Variants in FUT8 observed in about 807,000 individuals in gnomAD.
FUT8 encodes the protein fucosyltransferase 8, also known as alpha-(1,6)-fucosyltransferase.
Under a neutral mutation model 71.3 loss-of-function variants are expected in FUT8, and 29 were observed. The observed-to-expected ratio is 0.41, with a 90% CI of 0.30 to 0.55. The LOEUF is 0.55. Among genes scored for constraint, FUT8 ranks in the 20% least tolerant of loss-of-function variants. FUT8 has a pLI of 0.34. For missense variants in FUT8, 544 were observed against 702.1 expected, an observed-to-expected ratio of 0.77 and a Z score of 2.55; for synonymous variants, 254 against 239.3, an observed-to-expected ratio of 1.06 and a Z score of -0.57.
chr14:65,546,568 T>G (rs1346119587), intron 2 of FUT8, among the ~76,000 whole-genome samples: 1 of 151,856 alleles, frequency 6.6e-6, no homozygotes, highest in Non-Finnish European at 1.5e-5. Context: ...TCCATTCACC[T>G]GCTTGAAGAT....
intron 7 of FUT8, among the ~76,000 whole-genome samples, chr14:65,681,839 T>C (rs1420674418): frequency 6.6e-6 from 1 of 152,184 alleles, no homozygotes; most frequent in East Asian, 1.9e-4. Context: ...TTTATATAGG[T>C]AAGTAACTTG....
intron 2 of FUT8, among the ~76,000 whole-genome samples, chr14:65,500,482 T>C (rs1020151451): frequency 6.6e-6 from 1 of 152,190 alleles, no homozygotes; most frequent in Non-Finnish European, 1.5e-5. Context: ...ACATTTTAGG[T>C]CTTCTCTTAC....
the FUT8 span, among the ~76,000 whole-genome samples, chr14:65,398,838 A>T: frequency 1.3e-5 from 2 of 152,210 alleles, no homozygotes; most frequent in Non-Finnish European, 2.9e-5. Context: ...AGAGTTCTAG[A>T]TTTACTGTGA....
At chr14:65,600,807 G>C (rs576094213) in intron 3 of FUT8, among the ~76,000 whole-genome samples, 10 of 152,106 alleles carry the variant, frequency 6.6e-5, no homozygotes, top group Non-Finnish European at 1.3e-4. Flanking sequence ...AAAATCTGGA[G>C]ATAAAACATT....
At chr14:65,707,729 G>C (rs924782371) in intron 7 of FUT8, among the ~76,000 whole-genome samples, 8 of 152,084 alleles carry the variant, frequency 5.3e-5, no homozygotes, top group African/African-American at 1.9e-4. Flanking sequence ...TTGAAGAGAT[G>C]AGCCTTTTTG....
intron 7 of FUT8, among the ~76,000 whole-genome samples, chr14:65,720,384 G>A (rs1404445995): frequency 2.0e-5 from 3 of 152,258 alleles, no homozygotes; most frequent in Non-Finnish European, 4.4e-5. Flanking sequence ...TCTGGCCCAG[G>A]CAGGTCCAGG....
chr14:65,585,326 C>T (rs1887323939), intron 3 of FUT8, among the ~76,000 whole-genome samples: 1 of 152,072 alleles, frequency 6.6e-6, no homozygotes, highest in African/African-American at 2.4e-5. Context: ...AGCTGGAGGA[C>T]AGGCATTGAG....
intron 2 of FUT8, among the ~76,000 whole-genome samples, chr14:65,500,706 AAT>A (rs1385605577): frequency 6.6e-6 from 1 of 152,088 alleles, no homozygotes; most frequent in African/African-American, 2.4e-5. Context: ...CTAATTTCTC[AAT>A]AGTCTCCTTA....
upstream of FUT8, chr14:65,411,395 G>C (rs1174020180): frequency 6.6e-6 from 1 of 152,642 alleles, no homozygotes; most frequent in Non-Finnish European, 1.5e-5. Context: ...CAAGGTCTAG[G>C]AAAGCCTCCC....
intron 2 of FUT8, among the ~76,000 whole-genome samples, chr14:65,480,157 G>GTATC (rs1288099130): frequency 6.6e-6 from 1 of 151,998 alleles, no homozygotes; most frequent in Non-Finnish European, 1.5e-5. Flanking sequence ...GTGCCTCATA[G>GTATC]TATCTGGCCC....
At position 65,569,856 on chromosome 14, in the gene FUT8, T is replaced by C. The variant is rs146112327; in HGVS notation, c.203+8090T>C. ...TAATATTTCAATCCAGTACAATCAG[T>C]GATTGAACATGGCTGTGTTTTAGTT... is the stretch of plus-strand genomic sequence containing the variant. On this transcript the variant is annotated intron_variant, in intron 3 of 10. Transcript: ENST00000673929. Among the ~76,000 whole-genome samples the C allele has an allele frequency of 3.4e-3, 522 of 152,156 alleles. 2 individuals carry two copies. The highest frequency in any genetic ancestry group is 0.012 in the African/African-American group (495 of 41,554).
chr14:65,563,099 G>A (rs965247909), intron 3 of FUT8, among the ~76,000 whole-genome samples: 9 of 152,038 alleles, frequency 5.9e-5, no homozygotes, highest in African/African-American at 2.2e-4. Context: ...CATTCAAGAA[G>A]ATAGCAAGCA....
Position 65,527,077 on chromosome 14 carries a change from T to A in FUT8, c.-227-34260T>A, listed in dbSNP as rs557945034. On this transcript the variant is annotated intron_variant, in intron 2 of 10. Transcript: ENST00000673929. ...CTTCTCAAGGAGTATCTTTGTGGCGTTCTCTGTATTTCCTGAATTTGAATG... is the reference window on the plus strand; with the variant it reads ...CTTCTCAAGGAGTATCTTTGTGGCGATCTCTGTATTTCCTGAATTTGAATG... Among the ~76,000 whole-genome samples the A allele has an allele frequency of 4.0e-3, 609 of 152,286 alleles. 4 individuals carry two copies. The highest frequency in any genetic ancestry group is 6.2e-3 in the Non-Finnish European group (419 of 68,018).
intron 7 of FUT8, among the ~76,000 whole-genome samples, chr14:65,672,484 G>A (rs1892520026): frequency 6.6e-6 from 1 of 152,112 alleles, no homozygotes; most frequent in East Asian, 1.9e-4. Context: ...TTTAGAGACA[G>A]AGTCTTGCTC....
chr14:65,728,940 G>A (rs1039092709), intron 9 of FUT8, among the ~76,000 whole-genome samples: 4 of 151,048 alleles, frequency 2.6e-5, no homozygotes, highest in Non-Finnish European at 5.9e-5. Flanking sequence ...GAGCATGACT[G>A]TAGTTGATCG....
intron 2 of FUT8, among the ~76,000 whole-genome samples, chr14:65,494,658 A>G (rs1406306078): frequency 1.3e-5 from 2 of 152,186 alleles, no homozygotes; most frequent in Middle Eastern, 3.4e-3. Context: ...GGTTCGTTGC[A>G]TAAGTATACA....
chr14:65,496,800 G>A (rs140193483), intron 2 of FUT8, among the ~76,000 whole-genome samples: 1,830 of 152,228 alleles, frequency 0.012, 15 homozygotes, highest in Middle Eastern at 0.024. Context: ...ATTCTTCTAT[G>A]GGGTATGGCT....
chr14:65,446,447 G>A (rs1441833351), intron 1 of FUT8, among the ~76,000 whole-genome samples: 1 of 152,192 alleles, frequency 6.6e-6, no homozygotes. Flanking sequence ...TCACTACTTA[G>A]ATGGATTAAT....
At chr14:65,632,364 C>A (rs555729113) in intron 6 of FUT8, among the ~76,000 whole-genome samples, 1 of 152,314 alleles carries the variant, frequency 6.6e-6, no homozygotes, top group East Asian at 1.9e-4. Flanking sequence ...GTTCTCTGAT[C>A]ACCGCATCCA....
Sources: gnomAD v4.1 joint callset for allele counts (sites outside exome capture counted in the v4.1 genomes callset) on GRCh38, gnomAD v4.1.1 for gene constraint, MANE v1.5 for transcripts, NCBI Gene and HGNC (gene_info 2026-07-23, HGNC 2026-07-21) for gene names.